Variants in DST observed in about 807,000 individuals in gnomAD.
DST encodes the protein dystonin.
In DST, 253 loss-of-function variants were observed where a neutral mutation model predicts 875.2. The observed-to-expected ratio is 0.29, with a 90% CI of 0.26 to 0.32. The LOEUF is 0.32. Among genes scored for constraint, DST ranks in the 10% least tolerant of loss-of-function variants. DST has a pLI of 1.00. For synonymous variants in DST, 3,124 were observed against 3,197.1 expected (o/e 0.98, Z 0.77); for missense variants, 8,287 against 9,111.6 (o/e 0.91, Z 3.68).
At position 56,607,114 on chromosome 6, in the gene DST, T is replaced by C; in HGVS notation, c.7514A>G (p.Tyr2505Cys). ...AINISLPGEQ[Y>C]GQKSLNMISS... Reference sequence around the variant, plus strand: ...AATCATATTTAAAGATTTCTGTCCATACTGCTCTCCTGGTAAACTGATGTT... The same window carrying C: ...AATCATATTTAAAGATTTCTGTCCACACTGCTCTCCTGGTAAACTGATGTT... The change falls in exon 40 of 104, where the codon TAT (tyrosine) becomes TGT (cysteine). Residue 2505 changes from tyrosine to cysteine, a missense_variant. By Grantham distance (194) the Tyr-to-Cys change is radical. Transcript: ENST00000680361. 6.2e-7 allele frequency: 1 copy of C among 1,613,380 alleles called. No individual in the cohort carries two copies. The highest frequency in any genetic ancestry group is 8.5e-7 in the Non-Finnish European group (1 of 1,179,598).
At chr6:56,900,389 A>C in intron 3 of DST, 32 bp downstream of exon 3, 2 of 1,329,700 alleles carry the variant, frequency 1.5e-6, no homozygotes, top group Middle Eastern at 4.3e-4. Context: ...CAGTGAATTT[A>C]ATATTTTTAT....
chr6:56,743,888 T>C (rs1343124144), intron 4 of DST, among the ~76,000 whole-genome samples: 1 of 152,210 alleles, frequency 6.6e-6, no homozygotes, highest in African/African-American at 2.4e-5. Flanking sequence ...GCATGATGGC[T>C]CACGCCTGTA....
At chr6:56,871,678 G>A (rs771761987) in intron 3 of DST, 1 of 708,178 alleles carries the variant, frequency 1.4e-6, no homozygotes, top group Admixed American at 1.8e-5. Flanking sequence ...CCAGAAGAGG[G>A]GGTTGCCTAG....
At chr6:56,916,772 T>TCA (rs1355012094) in intron 2 of DST, among the ~76,000 whole-genome samples, 69 of 100,654 alleles carry the variant, frequency 6.9e-4, no homozygotes, top group African/African-American at 2.6e-3. Context: ...TCTCTCTCTC[T>TCA]CTCTCTCACA....
intron 4 of DST, among the ~76,000 whole-genome samples, chr6:56,773,376 T>C (rs1304056304): frequency 1.3e-5 from 2 of 152,150 alleles, no homozygotes; most frequent in Non-Finnish European, 2.9e-5. Context: ...TGCTTATATA[T>C]ATACTTTTTT....
intron 4 of DST, among the ~76,000 whole-genome samples, chr6:56,817,838 A>G (rs2099768373): frequency 1.3e-5 from 2 of 152,200 alleles, no homozygotes. Flanking sequence ...GAACCCATGA[A>G]TATGTTACCC....
chr6:56,532,308 C>T, intron 64 of DST, 36 bp downstream of exon 64: 3 of 1,597,600 alleles, frequency 1.9e-6, no homozygotes, highest in Non-Finnish European at 2.6e-6. Context: ...GAGGCCACTG[C>T]TACTCTTTCA....
chr6:56,632,426 T>C (rs990783591), intron 28 of DST, among the ~76,000 whole-genome samples: 3 of 152,080 alleles, frequency 2.0e-5, no homozygotes, highest in African/African-American at 7.2e-5. Flanking sequence ...AAATAGAATA[T>C]TACTAATAAA....
chr6:56,949,527 G>T (rs1766702170), intron 2 of DST, among the ~76,000 whole-genome samples: 1 of 152,180 alleles, frequency 6.6e-6, no homozygotes, highest in Admixed American at 6.5e-5. Flanking sequence ...GACCTAGAAG[G>T]AACTGTCAAG....
At chr6:56,880,837 C>CTTTTTTTTTTTTTTTTTTTTT in intron 3 of DST, among the ~76,000 whole-genome samples, 1 of 58,064 alleles carries the variant, frequency 1.7e-5, no homozygotes, top group Non-Finnish European at 2.8e-5. Flanking sequence ...TACTGTCTTT[C>CTTTTTTTTTTTTTTTTTTTTT]TTTTTTTTTT....
intron 69 of DST, among the ~76,000 whole-genome samples, chr6:56,518,004 ATGCAACTAACATTC>A (rs1290533104): frequency 6.6e-6 from 1 of 152,168 alleles, no homozygotes; most frequent in Admixed American, 6.6e-5. Flanking sequence ...CTCCTATGAT[ATGCAACTAACATTC>A]TGCTATCAAA....
At chr6:56,792,087 G>C (rs796139965) in intron 4 of DST, among the ~76,000 whole-genome samples, 5 of 151,890 alleles carry the variant, frequency 3.3e-5, no homozygotes, top group African/African-American at 1.2e-4. Context: ...ACTTCAAAAG[G>C]CTGCCACTAG....
chr6:56,951,220 C>A (rs1822129434), intron 2 of DST, among the ~76,000 whole-genome samples: 1 of 152,212 alleles, frequency 6.6e-6, no homozygotes, highest in Non-Finnish European at 1.5e-5. Context: ...TAGCCCAAAG[C>A]TTTTTCATGG....
At chr6:56,768,127 T>C (rs1245464257) in intron 4 of DST, among the ~76,000 whole-genome samples, 1 of 152,070 alleles carries the variant, frequency 6.6e-6, no homozygotes, top group Non-Finnish European at 1.5e-5. Flanking sequence ...AGATCTGACT[T>C]GTGTTTAAAA....
chr6:56,599,237 T>C (rs922891826), intron 45 of DST, among the ~76,000 whole-genome samples: 5 of 152,084 alleles, frequency 3.3e-5, no homozygotes, highest in African/African-American at 9.7e-5. Context: ...TTAGTAGTTA[T>C]AGCTTTCCTA....
chr6:56,642,055 T>C lies in DST; in HGVS notation c.1919A>G (p.Glu640Gly). The change falls in exon 17 of 104, where the codon GAA (glutamate) becomes GGA (glycine). Residue 640 changes from glutamate to glycine, a missense_variant. Physicochemically the swap from Glu to Gly is moderately conservative, Grantham distance 98. This residue lies in a region of DST where 1,160 missense variants were observed against 1,424.3 expected (regional missense o/e 0.81). Coordinates refer to ENST00000680361, the MANE Select transcript of DST (RefSeq NM_001374736.1). ...ACATTCAAGTATATACCCAGCAATT[T>C]CTGCTTCATTCTGAAACTGCACTCC... ...ESGVQFQNEA[E>G]IAGYILECEN... The C allele has an allele frequency of 6.2e-7, 1 of 1,613,024 alleles. No individual in the cohort carries two copies. Among genetic ancestry groups the C allele is most frequent in the African/African-American group, 1.3e-5 (1 of 75,040 alleles).
rs142924369 is a variant in DST, at chr6:56,617,103, C to T, written c.4930-2619G>A. On this transcript the variant is annotated intron_variant, in intron 36 of 103. Transcript: ENST00000680361. ...TTAAGAGTTTTCTGAACTTCTTCAA[C>T]AGTCTTAAGACCGAGTCGCAGCTGC... The T allele has an allele frequency of 1.7e-5, 28 of 1,614,026 alleles. No homozygotes were observed. The African/African-American group carries it at 3.3e-4, about 19-fold the overall frequency.
At position 56,698,926 on chromosome 6, in the gene DST, C is replaced by T. The variant is rs2099278365; in HGVS notation, c.1047+727G>A. Reference sequence around the variant, plus strand: ...CATCACCCAGATAGTGAGCACAGTACCCAATAGGTAGTTTTTCAGCCCATG... The same window carrying T: ...CATCACCCAGATAGTGAGCACAGTATCCAATAGGTAGTTTTTCAGCCCATG... On this transcript the variant is annotated intron_variant, in intron 9 of 103. Coordinates refer to ENST00000680361, the MANE Select transcript of DST (RefSeq NM_001374736.1). Among the ~76,000 whole-genome samples, 6 of 152,138 alleles carry T rather than the reference C, an allele frequency of 3.9e-5. No homozygotes were observed. The South Asian group carries it at 1.2e-3, about 32-fold the overall frequency.
intron 47 of DST, among the ~76,000 whole-genome samples, chr6:56,596,255 C>T (rs1431201044): frequency 6.6e-6 from 1 of 151,970 alleles, no homozygotes; most frequent in Non-Finnish European, 1.5e-5. Flanking sequence ...TCTCAATCTC[C>T]TGACCTTGTG....
Sources: allele counts gnomAD v4.1 joint callset (sites outside exome capture counted in the v4.1 genomes callset), GRCh38; gene constraint gnomAD v4.1.1; regional missense constraint gnomAD v4.1.1; transcripts MANE v1.5; gene names NCBI Gene and HGNC (gene_info 2026-07-23, HGNC 2026-07-21).